NUDCD3: variants seen among roughly 807,000 people sequenced by gnomAD.
NUDCD3 encodes nudC domain-containing protein 3.
NUDCD3 carries 13 observed loss-of-function variants against 39.7 expected under a neutral mutation model. The ratio of observed to expected loss-of-function variants is 0.33; its 90% CI spans 0.21 to 0.52. The LOEUF is 0.52. Ranked by LOEUF, NUDCD3 falls within the 20% of genes least tolerant of loss-of-function variation. The pLI is 0.96. For missense variants in NUDCD3, 453 were observed against 458.1 expected, an observed-to-expected ratio of 0.99 and a Z score of 0.10; for synonymous variants, 175 against 172.4, an observed-to-expected ratio of 1.02 and a Z score of -0.12.
chr7:44,397,784 A>G (rs899799300), intron 4 of NUDCD3, among the ~76,000 whole-genome samples: 18 of 152,170 alleles, frequency 1.2e-4, no homozygotes, highest in Admixed American at 1.0e-3. Context: ...AATAGGTTGC[A>G]TTCATCTTGG....
At chr7:44,440,030 C>CA (rs1799545457) in intron 2 of NUDCD3, among the ~76,000 whole-genome samples, 3 of 152,166 alleles carry the variant, frequency 2.0e-5, no homozygotes, top group African/African-American at 7.2e-5. Flanking sequence ...GAAACTCCTC[C>CA]ATCCTCCTAG....
At chr7:44,477,816 A>G (rs1585106516) in intron 2 of NUDCD3, among the ~76,000 whole-genome samples, 1 of 150,100 alleles carries the variant, frequency 6.7e-6, no homozygotes, top group East Asian at 1.9e-4. Flanking sequence ...TTTACTATGA[A>G]CAATTCTTTT....
At chr7:44,397,714 C>A (rs1563164976) in intron 4 of NUDCD3, among the ~76,000 whole-genome samples, 1 of 152,140 alleles carries the variant, frequency 6.6e-6, no homozygotes, top group Non-Finnish European at 1.5e-5. Flanking sequence ...CTCTCTCACT[C>A]TATATGTATG....
At chr7:44,463,792 T>C (rs948562020) in intron 2 of NUDCD3, among the ~76,000 whole-genome samples, 4 of 152,094 alleles carry the variant, frequency 2.6e-5, no homozygotes, top group African/African-American at 7.2e-5. Flanking sequence ...GTTTTATCTA[T>C]TTACAAAAGG....
rs1799114263 is a variant in NUDCD3, at chr7:44,420,370, T to C, written c.642+7201A>G. Among the ~76,000 whole-genome samples the C allele has an allele frequency of 3.3e-5, 5 of 152,070 alleles. No homozygotes were observed. In the South Asian group the frequency reaches 1.0e-3, roughly 32 times the overall value. On this transcript the variant is annotated intron_variant, in intron 3 of 5. Coordinates refer to ENST00000355451, the MANE Select transcript of NUDCD3 (RefSeq NM_015332.4). ...CTCTGTGAAAAGACCAAACCTACGA[T>C]TGACTGAGTGTCCCTGAAAGTGACA...
intron 2 of NUDCD3, among the ~76,000 whole-genome samples, chr7:44,436,694 A>T (rs959778920): frequency 1.3e-5 from 2 of 152,210 alleles, no homozygotes; most frequent in African/African-American, 4.8e-5. Context: ...AGCTCTTCAT[A>T]TACTTATTGG....
At chr7:44,403,346 C>T (rs955578563) in intron 4 of NUDCD3, among the ~76,000 whole-genome samples, 1 of 152,174 alleles carries the variant, frequency 6.6e-6, no homozygotes, top group Non-Finnish European at 1.5e-5. Context: ...GGAGGCCCTG[C>T]TTAGGATGAA....
At chr7:44,399,319 G>A (rs1798679924) in intron 4 of NUDCD3, among the ~76,000 whole-genome samples, 1 of 152,234 alleles carries the variant, frequency 6.6e-6, no homozygotes, top group Non-Finnish European at 1.5e-5. Flanking sequence ...GAAAAACGCT[G>A]AGGGCTCTCC....
At chr7:44,470,572 G>A (rs1166543257) in intron 2 of NUDCD3, among the ~76,000 whole-genome samples, 3 of 152,282 alleles carry the variant, frequency 2.0e-5, no homozygotes, top group Admixed American at 1.3e-4. Flanking sequence ...ACCTCACAGC[G>A]TGGCTCAGAG....
chr7:44,421,353 CA>C, intron 3 of NUDCD3, among the ~76,000 whole-genome samples: 1 of 137,272 alleles, frequency 7.3e-6, no homozygotes, highest in East Asian at 2.2e-4. Context: ...AAAAAAACCA[CA>C]CACAGACTGG....
At position 44,385,736 on chromosome 7, in the gene NUDCD3, T is replaced by C. The variant is rs192877755; in HGVS notation, c.*275A>G. On this transcript the variant is annotated 3_prime_UTR_variant, in exon 6 of 6. Coordinates refer to ENST00000355451, the MANE Select transcript of NUDCD3 (RefSeq NM_015332.4). ...GCTGGTTGCTGTGGAGACAAAAGCA[T>C]GTGATCCCAATTTGCTGGGATATCC... 2.2e-4 allele frequency: 96 copies of C among 435,692 alleles called. No individual in the cohort carries two copies. In the East Asian group the frequency reaches 3.6e-3, roughly 16 times the overall value. 27.0% of individuals were successfully genotyped at this position (435,692 alleles called of 1,614,324 possible).
intron 4 of NUDCD3, among the ~76,000 whole-genome samples, chr7:44,397,976 GAC>G (rs1798653664): frequency 6.6e-6 from 1 of 151,946 alleles, no homozygotes; most frequent in Non-Finnish European, 1.5e-5. Flanking sequence ...CACCCAGCTG[GAC>G]ACACATGTGT....
At chr7:44,476,254 G>A (rs1335477025) in intron 2 of NUDCD3, among the ~76,000 whole-genome samples, 1 of 152,202 alleles carries the variant, frequency 6.6e-6, no homozygotes, top group East Asian at 1.9e-4. Flanking sequence ...TCTCCTGACA[G>A]CCCACCCGAG....
Position 44,485,145 on chromosome 7 carries a change from A to T in NUDCD3, c.332T>A (p.Val111Asp). The stretch of plus-strand genomic sequence containing the variant: ...GTCAATCTCTATTTCCTGGACTGGA[A>T]CTGGGACTGGCTCCTTCTCAGCTGC... Reference protein sequence around the residue: ...AAAAEKEPVPVPVQEIEIDST... With the variant: ...AAAAEKEPVPDPVQEIEIDST... The change falls in exon 2 of 6, where the codon GTT (valine) becomes GAT (aspartate). Residue 111 changes from valine to aspartate, a missense_variant. Coordinates refer to ENST00000355451, the MANE Select transcript of NUDCD3 (RefSeq NM_015332.4). 1 of 1,614,144 alleles carries T rather than the reference A, an allele frequency of 6.2e-7. No individual in the cohort carries two copies.
In NUDCD3 at chr7:44,478,553, A is replaced by G. The variant is rs563285726; in HGVS notation, c.509+6415T>C. 5.3e-5 allele frequency among the ~76,000 whole-genome samples: 8 copies of G among 152,264 alleles called. No individual in the cohort carries two copies. The East Asian group carries it at 1.5e-3, about 29-fold the overall frequency. ...GGGCAACAAGAGCAAAACTCCGTCTAAAAAAAGAAAAAGATAGGTTCCTTT... is the reference window on the plus strand; with the variant it reads ...GGGCAACAAGAGCAAAACTCCGTCTGAAAAAAGAAAAAGATAGGTTCCTTT... On this transcript the variant is annotated intron_variant, in intron 2 of 5. Coordinates refer to ENST00000355451, the MANE Select transcript of NUDCD3 (RefSeq NM_015332.4).
At chr7:44,433,699 C>A (rs934106354) in intron 2 of NUDCD3, among the ~76,000 whole-genome samples, 2 of 152,164 alleles carry the variant, frequency 1.3e-5, no homozygotes, top group African/African-American at 4.8e-5. Context: ...TATCAATTTT[C>A]TTCTCATCTC....
At chr7:44,443,835 G>A (rs1416896045) in intron 2 of NUDCD3, among the ~76,000 whole-genome samples, 4 of 152,158 alleles carry the variant, frequency 2.6e-5, no homozygotes, top group Non-Finnish European at 4.4e-5. Context: ...CTCAGCTCAA[G>A]CCCCATCTTC....
In NUDCD3 at chr7:44,490,616, A is replaced by G. The variant is rs753616612; in HGVS notation, c.-16T>C. 1 of 1,592,318 alleles carries G rather than the reference A, an allele frequency of 6.3e-7. No individual in the cohort carries two copies. Among genetic ancestry groups the G allele is most frequent in the Non-Finnish European group, 8.5e-7 (1 of 1,169,920 alleles). ...CTGTCTCCATGTCGCCTCCCGCCCT[A>G]GGTACGCTTCACACACACAGCGCCG... is the stretch of plus-strand genomic sequence containing the variant. On this transcript the variant is annotated 5_prime_UTR_variant, in exon 1 of 6. Transcript: ENST00000355451.
intron 2 of NUDCD3, among the ~76,000 whole-genome samples, chr7:44,479,646 A>G (rs1563190115): frequency 6.6e-6 from 1 of 152,192 alleles, no homozygotes; most frequent in East Asian, 1.9e-4. Context: ...GAACCGAAAA[A>G]CATGTCAAGT....
Sources: gnomAD v4.1 joint callset for allele counts (sites outside exome capture counted in the v4.1 genomes callset) on GRCh38, gnomAD v4.1.1 for gene constraint, MANE v1.5 for transcripts, NCBI Gene and HGNC (gene_info 2026-07-23, HGNC 2026-07-21) for gene names.